The following YTHDC2 variants were observed in gnomAD, a reference collection of about 807,000 sequenced individuals.
YTHDC2 encodes the protein 3'-5' RNA helicase YTHDC2.
A neutral mutation model predicts 174.9 loss-of-function variants in YTHDC2; 45 were observed. The observed-to-expected ratio is 0.26, with a 90% CI of 0.20 to 0.33. YTHDC2 has a LOEUF of 0.33. Ranked by LOEUF, YTHDC2 falls within the 10% of genes least tolerant of loss-of-function variation. The probability of loss-of-function intolerance (pLI) is 1.00; values close to 1 mark genes in which losing one functional copy is unlikely to be tolerated. For synonymous variants in YTHDC2, 657 were observed against 574.5 expected (o/e 1.14, Z -2.05); for missense variants, 1,650 against 1,723.7 (o/e 0.96, Z 0.76).
chr5:113,526,567 C>A lies in YTHDC2; in HGVS notation c.476-19C>A, dbSNP rs1316204013. 2 of 1,536,512 alleles carry A rather than the reference C, an allele frequency of 1.3e-6. No homozygotes were observed. Among genetic ancestry groups the A allele is most frequent in the Non-Finnish European group, 1.8e-6 (2 of 1,139,870 alleles). On this transcript the variant is annotated intron_variant, in intron 3 of 29. Coordinates refer to ENST00000161863, the MANE Select transcript of YTHDC2 (RefSeq NM_022828.5). ...CCGTGTTGATCATACATTTTTTGTTCTTTTATTCATTTTCAAAGAAAACCG... is the reference window on the plus strand; with the variant it reads ...CCGTGTTGATCATACATTTTTTGTTATTTTATTCATTTTCAAAGAAAACCG...
chr5:113,548,761 T>A, intron 11 of YTHDC2, 94 bp downstream of exon 11: 1 of 1,352,336 alleles, frequency 7.4e-7, no homozygotes. Flanking sequence ...TTAAAAACTA[T>A]TGTGTAATAA....
chr5:113,589,395 T>TAAA lies in YTHDC2; in HGVS notation c.3826-1634_3826-1632dup, dbSNP rs1156968093. Reference sequence around the variant, plus strand: ...CTAGAAGTTCAAGTCTTTTAAAAATTAAAAAAAAAAAAAATATATATATAT... The same window carrying TAAA: ...CTAGAAGTTCAAGTCTTTTAAAAATTAAAAAAAAAAAAAAAAATATATATATAT... On this transcript the variant is annotated intron_variant, in intron 26 of 29. Coordinates refer to ENST00000161863, the MANE Select transcript of YTHDC2 (RefSeq NM_022828.5). Among the ~76,000 whole-genome samples the TAAA allele has an allele frequency of 2.3e-3, 267 of 114,436 alleles. 4 individuals carry two copies. The highest frequency in any genetic ancestry group is 0.015 in the East Asian group (61 of 4,052). The allele number at this position is 114,436 out of a possible 152,430, so 75.1% of individuals were successfully genotyped here.
At chr5:113,551,836 GC>G (rs977276504) in intron 12 of YTHDC2, among the ~76,000 whole-genome samples, 1 of 152,054 alleles carries the variant, frequency 6.6e-6, no homozygotes, top group Non-Finnish European at 1.5e-5. Flanking sequence ...TTATTTTTCT[GC>G]TAAATTCTTT....
chr5:113,578,976 T>C (rs1778232303), intron 23 of YTHDC2, among the ~76,000 whole-genome samples: 1 of 152,164 alleles, frequency 6.6e-6, no homozygotes. Context: ...TCTGTATTTT[T>C]ATAATCTCAT....
At chr5:113,575,693 G>A (rs1777997911) in intron 23 of YTHDC2, among the ~76,000 whole-genome samples, 1 of 152,174 alleles carries the variant, frequency 6.6e-6, no homozygotes, top group Admixed American at 6.5e-5. Context: ...CCATAGAAAT[G>A]CAAAGAAAAG....
chr5:113,525,783 A>G (rs935704846), intron 3 of YTHDC2, among the ~76,000 whole-genome samples: 4 of 152,154 alleles, frequency 2.6e-5, no homozygotes, highest in African/African-American at 4.8e-5. Context: ...TCACTTCCCT[A>G]TTAAGAAAAC....
intron 4 of YTHDC2, among the ~76,000 whole-genome samples, chr5:113,528,862 C>T (rs991096861): frequency 6.6e-6 from 1 of 152,122 alleles, no homozygotes; most frequent in Non-Finnish European, 1.5e-5. Context: ...GCATTACTGT[C>T]AGAATCTCCA....
At position 113,534,346 on chromosome 5, in the gene YTHDC2, T is replaced by G; in HGVS notation, c.884T>G (p.Val295Gly). The change falls in exon 6 of 30, where the codon GTA becomes GGA. Residue 295 changes from valine to glycine, a missense_variant. By Grantham distance (109) the Val-to-Gly change is moderately radical. Coordinates refer to ENST00000161863, the MANE Select transcript of YTHDC2 (RefSeq NM_022828.5). ...CTTCTGACATTTTGTACTAATGGGG[T>G]ATTGCTTCGTACATTGATGGCAGGA... The part of the protein sequence containing the change: ...KTLLTFCTNG[V>G]LLRTLMAGDS... 1 of 1,613,084 alleles carries G rather than the reference T, an allele frequency of 6.2e-7. No homozygotes were observed. The highest frequency in any genetic ancestry group is 8.5e-7 in the Non-Finnish European group (1 of 1,179,354).
At chr5:113,575,212 A>G (rs1195532991) in intron 23 of YTHDC2, among the ~76,000 whole-genome samples, 2 of 152,194 alleles carry the variant, frequency 1.3e-5, no homozygotes, top group African/African-American at 2.4e-5. Context: ...AACACATTTA[A>G]AATGTTCCTT....
At chr5:113,517,991 C>T (rs1773587972) in intron 2 of YTHDC2, among the ~76,000 whole-genome samples, 1 of 151,368 alleles carries the variant, frequency 6.6e-6, no homozygotes, top group South Asian at 2.1e-4. Flanking sequence ...CGGGTTCACG[C>T]CATTCTCCTG....
rs1419915947 is a variant in YTHDC2 at position 113,549,034 on chromosome 5, C to G, written c.1688+14C>G. 2 of 1,596,172 alleles carry G rather than the reference C, an allele frequency of 1.3e-6. No homozygotes were observed. Among genetic ancestry groups the G allele is most frequent in the Non-Finnish European group, 1.7e-6 (2 of 1,165,718 alleles). ...AGAATCTTACAGGTAAAACTTTGTA[C>G]TATTTTAAATTAATTCTACCGTCTC... On this transcript the variant is annotated intron_variant, in intron 12 of 29. Transcript: ENST00000161863.
intron 25 of YTHDC2, 183 bp from the exon 26 acceptor site, chr5:113,584,108 TTGTAAATTTAG>T (rs1778544726): frequency 2.5e-6 from 1 of 402,438 alleles, no homozygotes; most frequent in African/African-American, 2.0e-5. Flanking sequence ...ACCTAGTTAG[TTGTAAATTTAG>T]AACTGCCATA....
chr5:113,538,786 GCT>G (rs572684103), intron 7 of YTHDC2, among the ~76,000 whole-genome samples: 93 of 152,196 alleles, frequency 6.1e-4, no homozygotes, highest in Admixed American at 1.3e-3. Context: ...ACAGGAAATA[GCT>G]CTGTTTCCTC....
chr5:113,582,802 A>G (rs1167679761), intron 25 of YTHDC2: 1 of 152,152 alleles, frequency 6.6e-6, no homozygotes, highest in Non-Finnish European at 1.5e-5. Flanking sequence ...GAGGAATAAA[A>G]CATTGGTTTC....
At chr5:113,572,622 G>A (rs1777802640) in intron 23 of YTHDC2, among the ~76,000 whole-genome samples, 1 of 152,184 alleles carries the variant, frequency 6.6e-6, no homozygotes, top group Non-Finnish European at 1.5e-5. Flanking sequence ...AGGTCTCTAA[G>A]AACTTGTTTA....
At chr5:113,528,402 T>C (rs909676246) in intron 4 of YTHDC2, among the ~76,000 whole-genome samples, 2 of 152,244 alleles carry the variant, frequency 1.3e-5, no homozygotes, top group African/African-American at 4.8e-5. Flanking sequence ...AGAATGTAAG[T>C]AGTATTTTAT....
chr5:113,544,434 T>C (rs12652172), intron 10 of YTHDC2, among the ~76,000 whole-genome samples: 45,457 of 151,980 alleles, frequency 0.3, 8,476 homozygotes, highest in African/African-American at 0.51. Context: ...CAGGCATGAG[T>C]CACCACACCC....
chr5:113,519,298 C>T (rs1179262226), intron 2 of YTHDC2, among the ~76,000 whole-genome samples: 1 of 152,020 alleles, frequency 6.6e-6, no homozygotes, highest in Non-Finnish European at 1.5e-5. Context: ...GTTTCACATA[C>T]CAAAAATTTC....
At chr5:113,515,513 A>T (rs1252700280) in intron 2 of YTHDC2, 151 bp downstream of exon 2, 2 of 660,974 alleles carry the variant, frequency 3.0e-6, no homozygotes, top group African/African-American at 1.9e-5. Context: ...GGTCTGTACC[A>T]AATTCAACTC....
Sources: gnomAD v4.1 joint callset for allele counts (sites outside exome capture counted in the v4.1 genomes callset) on GRCh38, gnomAD v4.1.1 for gene constraint, MANE v1.5 for transcripts, NCBI Gene and HGNC (gene_info 2026-07-23, HGNC 2026-07-21) for gene names.